Variants in RYR2 observed in about 807,000 individuals in gnomAD.
RYR2 encodes the protein cardiac muscle ryanodine receptor-calcium release channel.
Under a neutral mutation model 601.1 loss-of-function variants are expected in RYR2, and 227 were observed. The observed-to-expected ratio is 0.38, with a 90% confidence interval of 0.34 to 0.42. The LOEUF (loss-of-function observed/expected upper bound fraction) is 0.42, where lower values mean the gene tolerates loss of function less well. Ranked by LOEUF, RYR2 falls within the 10% of genes least tolerant of loss-of-function variation. The probability of loss-of-function intolerance (pLI) is 1.00; values close to 1 mark genes in which losing one functional copy is unlikely to be tolerated. For missense variants in RYR2, 4,646 were observed against 6,156.5 expected (o/e 0.75, Z 8.21); for synonymous variants, 2,223 against 2,175.1 (o/e 1.02, Z -0.61).
rs1339897511 is a variant in RYR2, at chr1:237,578,912, A to G, written c.3598+9593A>G. Reference sequence around the variant, plus strand: ...AAGATGGTCCTGGCCACATGGAGAAATGGTCTCTTCCTTGATGACCTCTTG... The same window carrying G: ...AAGATGGTCCTGGCCACATGGAGAAGTGGTCTCTTCCTTGATGACCTCTTG... On this transcript the variant is annotated intron_variant, in intron 29 of 104. Coordinates refer to ENST00000366574, the MANE Select transcript of RYR2 (RefSeq NM_001035.3). 2.0e-5 allele frequency among the ~76,000 whole-genome samples: 3 copies of G among 152,262 alleles called. No homozygotes were observed. In the South Asian group the frequency reaches 6.2e-4, roughly 32 times the overall value.
At chr1:237,315,431 TAA>T (rs777690295) in intron 2 of RYR2, among the ~76,000 whole-genome samples, 39 of 152,226 alleles carry the variant, frequency 2.6e-4, no homozygotes, top group East Asian at 1.2e-3. Flanking sequence ...TTTAAATATA[TAA>T]GTTATTATTT....
chr1:237,762,142 A>G (rs1025478466), intron 84 of RYR2, among the ~76,000 whole-genome samples: 1 of 152,184 alleles, frequency 6.6e-6, no homozygotes, highest in Non-Finnish European at 1.5e-5. Context: ...AACAAAAATA[A>G]GTCATATGGT....
chr1:237,705,663 G>A (rs958407045), intron 67 of RYR2, among the ~76,000 whole-genome samples: 2 of 152,102 alleles, frequency 1.3e-5, no homozygotes, highest in Admixed American at 6.6e-5. Flanking sequence ...AGGGAGTATC[G>A]CAGCCTAGAC....
In RYR2 at chr1:237,828,497, T is replaced by C. The variant is rs1183976642; in HGVS notation, c.14655+52T>C. 1.4e-5 allele frequency: 16 copies of C among 1,183,430 alleles called. No individual in the cohort carries two copies. The East Asian group carries it at 4.1e-4, about 30-fold the overall frequency. The allele number at this position is 1,183,430 out of a possible 1,614,324, so 73.3% of individuals were successfully genotyped here. On this transcript the variant is annotated intron_variant, in intron 102 of 104. Transcript: ENST00000366574. ...TTCTTTGTTGTCCTGGGCCCTCGTT[T>C]TCCTCACTACCTTTATCAATAGAAT...
intron 80 of RYR2, among the ~76,000 whole-genome samples, chr1:237,754,559 T>C (rs1251634380): frequency 1.3e-5 from 2 of 152,244 alleles, no homozygotes; most frequent in Admixed American, 1.3e-4. Context: ...CTTGCCTCTT[T>C]AGTTGATGAA....
chr1:237,348,371 A>G, intron 3 of RYR2, among the ~76,000 whole-genome samples: 1 of 152,186 alleles, frequency 6.6e-6, no homozygotes, highest in East Asian at 1.9e-4. Context: ...TATCGATTCT[A>G]TGAAACAATA....
chr1:237,597,313 C>G lies in RYR2; in HGVS notation c.4596+1656C>G, dbSNP rs115930341. Among the ~76,000 whole-genome samples, 1,343 of 146,252 alleles carry G rather than the reference C, an allele frequency of 9.2e-3. 21 individuals are homozygous for G. Among genetic ancestry groups the G allele is most frequent in the African/African-American group, 0.032 (1,283 of 39,488 alleles). On this transcript the variant is annotated intron_variant, in intron 34 of 104. Coordinates refer to ENST00000366574, the MANE Select transcript of RYR2 (RefSeq NM_001035.3). Reference sequence around the variant, plus strand: ...CAGAGTATTTTTTTTTTTTTTGAGACAGAGTCTTGCTCTGTTGCCAGGTAA... The same window carrying G: ...CAGAGTATTTTTTTTTTTTTTGAGAGAGAGTCTTGCTCTGTTGCCAGGTAA...
intron 1 of RYR2, among the ~76,000 whole-genome samples, chr1:237,088,607 A>G (rs1352805102): frequency 6.6e-6 from 1 of 152,220 alleles, no homozygotes; most frequent in Non-Finnish European, 1.5e-5. Context: ...ATGATTTATC[A>G]TTCTTCCATG....
At chr1:237,248,759 A>ATTT (rs34881922) in intron 1 of RYR2, among the ~76,000 whole-genome samples, 55 of 119,914 alleles carry the variant, frequency 4.6e-4, no homozygotes, top group African/African-American at 1.5e-3. Flanking sequence ...ATGAATGTAC[A>ATTT]TTTTTTTTTT....
rs1675083076 is a variant in RYR2 at position 237,590,890 on chromosome 1, A to G, written c.4058A>G (p.His1353Arg). 2 of 1,613,830 alleles carry G rather than the reference A, an allele frequency of 1.2e-6. No homozygotes were observed. Among genetic ancestry groups the G allele is most frequent in the South Asian group, 1.1e-5 (1 of 91,068 alleles). ...FEVLMKTAHG[H>R]LVPDRVDKDK... ...GTTCTGATGAAGACAGCTCATGGCC[A>G]TCTAGTGCCCGATCGTGTTGACAAA... is the stretch of plus-strand genomic sequence containing the variant. Residue 1353 changes from histidine to arginine, a missense_variant, in exon 31 of 105, where the codon CAT (histidine) becomes CGT (arginine). Coordinates refer to ENST00000366574, the MANE Select transcript of RYR2 (RefSeq NM_001035.3).
chr1:237,391,261 C>G (rs1195464008), intron 10 of RYR2, among the ~76,000 whole-genome samples: 1 of 152,048 alleles, frequency 6.6e-6, no homozygotes, highest in Non-Finnish European at 1.5e-5. Context: ...TCAGTCTGTA[C>G]TGGGGGAGAC....
rs753365518 is a variant in RYR2 at position 237,819,165 on chromosome 1, A to G, written c.14563A>G (p.Ile4855Val). ...IFDITFFFFV[I>V]VILLAIIQGL... ...TGACATCACTTTCTTCTTCTTTGTT[A>G]TTGTCATTCTCTTGGCCATAATACA... Residue 4855 changes from isoleucine (I) to valine (V), a missense_variant, in exon 101 of 105, where the codon ATT (isoleucine) becomes GTT (valine). Ile to Val is a conservative substitution (Grantham distance 29). This residue lies in a region of RYR2 where 55 missense variants were observed against 204.7 expected (regional missense o/e 0.27). Coordinates refer to ENST00000366574, the MANE Select transcript of RYR2 (RefSeq NM_001035.3). This position sits in a 1 kb window ranked among gnomAD's most constrained non-coding sequence, Gnocchi z 4.0. 3 of 1,613,704 alleles carry G rather than the reference A, an allele frequency of 1.9e-6. No homozygotes were observed. The highest frequency in any genetic ancestry group is 4.5e-5 in the East Asian group (2 of 44,864).
At chr1:237,603,362 T>TG (rs901899799) in intron 35 of RYR2, among the ~76,000 whole-genome samples, 1 of 151,984 alleles carries the variant, frequency 6.6e-6, no homozygotes, top group Non-Finnish European at 1.5e-5. Context: ...GGGGACAGAG[T>TG]GGGGCAAGGC....
intron 86 of RYR2, 83 bp from the exon 87 acceptor site, chr1:237,773,437 C>A: frequency 1.1e-6 from 1 of 879,422 alleles, no homozygotes; most frequent in Non-Finnish European, 1.8e-6. Context: ...AAATACTTCT[C>A]AGGCATAAAG....
intron 2 of RYR2, among the ~76,000 whole-genome samples, chr1:237,317,857 C>A (rs960197838): frequency 1.4e-4 from 21 of 152,058 alleles, no homozygotes; most frequent in African/African-American, 5.1e-4. Context: ...AGTTTTTAAT[C>A]TATGATGTGT....
At chr1:237,263,317 A>C (rs1688723768) in intron 1 of RYR2, among the ~76,000 whole-genome samples, 1 of 152,232 alleles carries the variant, frequency 6.6e-6, no homozygotes, top group Admixed American at 6.5e-5. Context: ...GATTGTGATA[A>C]GCAATCACTT....
chr1:237,277,437 A>G (rs1324617911), intron 2 of RYR2, among the ~76,000 whole-genome samples: 3 of 152,148 alleles, frequency 2.0e-5, no homozygotes, highest in South Asian at 4.1e-4. Context: ...GGAGAGGTAA[A>G]ACTATTTCTA....
At chr1:237,178,577 T>C (rs1678343643) in intron 1 of RYR2, among the ~76,000 whole-genome samples, 1 of 151,994 alleles carries the variant, frequency 6.6e-6, no homozygotes, top group Non-Finnish European at 1.5e-5. Flanking sequence ...CTAATCCCAG[T>C]GCTTTGATCA....
chr1:237,812,766 C>T lies in RYR2; in HGVS notation c.14433+3731C>T, dbSNP rs900048079. Among the ~76,000 whole-genome samples the T allele has an allele frequency of 2.0e-4, 31 of 152,144 alleles. 1 individual carries two copies. The highest frequency in any genetic ancestry group is 4.4e-4 in the Non-Finnish European group (30 of 68,012). On this transcript the variant is annotated intron_variant, in intron 100 of 104. Transcript: ENST00000366574. ...TGGACAAATAATTCATGCACCTTGC[C>T]TGGAGCCTCCTCCCTGACTGCCTTT... is the stretch of plus-strand genomic sequence containing the variant.
Sources: allele counts gnomAD v4.1 joint callset (sites outside exome capture counted in the v4.1 genomes callset), GRCh38; gene constraint gnomAD v4.1.1; regional missense constraint gnomAD v4.1.1; non-coding constraint Gnocchi (gnomAD v3.1); transcripts MANE v1.5; gene names NCBI Gene and HGNC (gene_info 2026-07-23, HGNC 2026-07-21).